Variants in L3MBTL4 observed in about 807,000 individuals in gnomAD.
The protein encoded by L3MBTL4 is lethal(3)malignant brain tumor-like protein 4.
L3MBTL4 carries 70 observed loss-of-function variants against 84.5 expected under a neutral mutation model. That is an observed-to-expected ratio of 0.83 (90% CI 0.68 to 1.01). L3MBTL4 has a LOEUF of 1.01. Among genes scored for constraint, L3MBTL4 ranks in the 50% least tolerant of loss-of-function variants. The pLI is 0.00. For missense variants in L3MBTL4, 715 were observed against 754.8 expected (o/e 0.95, Z 0.62); for synonymous variants, 274 against 259.8 (o/e 1.05, Z -0.52).
chr18:5,994,651 T>C (rs2053865038), intron 16 of L3MBTL4, among the ~76,000 whole-genome samples: 1 of 152,128 alleles, frequency 6.6e-6, no homozygotes, highest in Non-Finnish European at 1.5e-5. Flanking sequence ...ACTGCTCTCT[T>C]GGAAAGATAG....
At chr18:6,323,843 A>G (rs555982076) in intron 1 of L3MBTL4, among the ~76,000 whole-genome samples, 7 of 152,354 alleles carry the variant, frequency 4.6e-5, no homozygotes, top group African/African-American at 1.4e-4. Context: ...TTTGCATAGA[A>G]AAGAGGAGCC....
At chr18:6,234,482 C>G (rs1045908739) in intron 10 of L3MBTL4, among the ~76,000 whole-genome samples, 20 of 152,094 alleles carry the variant, frequency 1.3e-4, no homozygotes, top group Non-Finnish European at 2.6e-4. Flanking sequence ...AAAAAACAAA[C>G]AACCCCATCA....
Position 6,071,011 on chromosome 18 carries a change from C to A in L3MBTL4, c.1444+9870G>T, listed in dbSNP as rs2057573239. Among the ~76,000 whole-genome samples the A allele has an allele frequency of 2.0e-5, 3 of 151,970 alleles. 1 individual carries two copies. Among genetic ancestry groups the A allele is most frequent in the South Asian group, 4.2e-4 (2 of 4,808 alleles). On this transcript the variant is annotated intron_variant, in intron 16 of 18. Transcript: ENST00000317931. The stretch of plus-strand genomic sequence containing the variant: ...AAGCTAATAGAGGGAGAATGGTATA[C>A]TCACATGAATTTTGGTTTAAAAAGA...
chr18:6,328,891 T>G (rs2051866503), intron 1 of L3MBTL4, among the ~76,000 whole-genome samples: 2 of 152,186 alleles, frequency 1.3e-5, no homozygotes, highest in African/African-American at 4.8e-5. Context: ...AGAGCTCTGC[T>G]GGAAAATGGG....
chr18:6,393,720 G>A (rs757248530), intron 1 of L3MBTL4, among the ~76,000 whole-genome samples: 6 of 152,178 alleles, frequency 3.9e-5, no homozygotes, highest in Admixed American at 1.3e-4. Flanking sequence ...CACAGACGCT[G>A]CTACTGCCCT....
At chr18:6,336,003 T>C (rs930928413) in intron 1 of L3MBTL4, among the ~76,000 whole-genome samples, 1 of 152,182 alleles carries the variant, frequency 6.6e-6, no homozygotes, top group African/African-American at 2.4e-5. Flanking sequence ...AATCTAGTAG[T>C]TAACGGTTCA....
intron 10 of L3MBTL4, among the ~76,000 whole-genome samples, chr18:6,229,943 A>T (rs2046927060): frequency 6.6e-6 from 1 of 152,158 alleles, no homozygotes; most frequent in African/African-American, 2.4e-5. Flanking sequence ...TCATGATTGT[A>T]TAGACTATTC....
chr18:6,083,041 C>A (rs2058131923), intron 15 of L3MBTL4, among the ~76,000 whole-genome samples: 1 of 152,168 alleles, frequency 6.6e-6, no homozygotes, highest in Non-Finnish European at 1.5e-5. Flanking sequence ...CCTGCCCCAT[C>A]TTGGGCACAA....
chr18:6,373,418 C>G (rs557203866), intron 1 of L3MBTL4, among the ~76,000 whole-genome samples: 1 of 152,316 alleles, frequency 6.6e-6, no homozygotes, highest in South Asian at 2.1e-4. Flanking sequence ...GACCAACACT[C>G]CACTAGACGT....
chr18:6,095,163 A>G (rs187175224), intron 14 of L3MBTL4, among the ~76,000 whole-genome samples: 10 of 152,308 alleles, frequency 6.6e-5, no homozygotes, highest in Non-Finnish European at 1.3e-4. Flanking sequence ...TACATGTATT[A>G]TTTCTAATGA....
chr18:6,032,638 A>C (rs931204626), intron 16 of L3MBTL4, among the ~76,000 whole-genome samples: 3 of 152,082 alleles, frequency 2.0e-5, no homozygotes, highest in African/African-American at 4.8e-5. Context: ...TTATGCAACC[A>C]TCACTGCCAT....
chr18:6,338,342 CAT>C (rs748595636), intron 1 of L3MBTL4, among the ~76,000 whole-genome samples: 1 of 151,966 alleles, frequency 6.6e-6, no homozygotes. Flanking sequence ...CAAAGGTAAA[CAT>C]GTGGGTAAAC....
At chr18:6,069,457 G>A (rs568674210) in intron 16 of L3MBTL4, among the ~76,000 whole-genome samples, 1 of 151,994 alleles carries the variant, frequency 6.6e-6, no homozygotes, top group Non-Finnish European at 1.5e-5. Flanking sequence ...TCAGGTGACA[G>A]GCAGGGCTAT....
intron 12 of L3MBTL4, among the ~76,000 whole-genome samples, chr18:6,190,496 C>T (rs1247324449): frequency 6.6e-6 from 1 of 152,144 alleles, no homozygotes; most frequent in Non-Finnish European, 1.5e-5. Context: ...ACATGCTTGC[C>T]AGTCATAATG....
chr18:6,233,395 T>C (rs2047079409), intron 10 of L3MBTL4, among the ~76,000 whole-genome samples: 1 of 149,812 alleles, frequency 6.7e-6, no homozygotes, highest in Non-Finnish European at 1.5e-5. Context: ...TGTTTGCAGA[T>C]GACGTGATTG....
At chr18:6,295,056 G>A (rs753705015) in intron 4 of L3MBTL4, among the ~76,000 whole-genome samples, 4 of 152,026 alleles carry the variant, frequency 2.6e-5, no homozygotes, top group Non-Finnish European at 5.9e-5. Flanking sequence ...GACAGTTCAC[G>A]AGGTCAAGAG....
intron 5 of L3MBTL4, among the ~76,000 whole-genome samples, chr18:6,262,980 T>C (rs1568401976): frequency 6.6e-6 from 1 of 152,144 alleles, no homozygotes; most frequent in Non-Finnish European, 1.5e-5. Flanking sequence ...AGTTTCCTGC[T>C]GTAAAGAAAT....
chr18:6,169,329 G>A (rs1305491470), intron 13 of L3MBTL4, among the ~76,000 whole-genome samples: 2 of 152,144 alleles, frequency 1.3e-5, no homozygotes, highest in East Asian at 1.9e-4. Context: ...CCATTACTGG[G>A]TATATACTCA....
Position 6,057,185 on chromosome 18 carries a change from C to T in L3MBTL4, c.1444+23696G>A, listed in dbSNP as rs551419753. On this transcript the variant is annotated intron_variant, in intron 16 of 18. Coordinates refer to ENST00000317931, the MANE Select transcript of L3MBTL4 (RefSeq NM_001330559.2). ...ATCTGGGATTACAGGCATGCCACCA[C>T]GCCCAGCTAATTTTTGTATTTTTAG... Among the ~76,000 whole-genome samples, 11 of 152,162 alleles carry T rather than the reference C, an allele frequency of 7.2e-5. No homozygotes were observed. In the South Asian group the frequency reaches 2.1e-3, roughly 29 times the overall value.
Sources: gnomAD v4.1 joint callset for allele counts (sites outside exome capture counted in the v4.1 genomes callset) on GRCh38, gnomAD v4.1.1 for gene constraint, MANE v1.5 for transcripts, NCBI Gene and HGNC (gene_info 2026-07-23, HGNC 2026-07-21) for gene names.